The following ADCY2 variants were observed in gnomAD, a reference collection of about 807,000 sequenced individuals.
ADCY2 encodes the protein adenylate cyclase type 2.
In ADCY2, 31 loss-of-function variants were observed where a neutral mutation model predicts 125.2. The ratio of observed to expected loss-of-function variants is 0.25; its 90% CI spans 0.19 to 0.33. The LOEUF (loss-of-function observed/expected upper bound fraction) is 0.33. Among genes scored for constraint, ADCY2 ranks in the 10% least tolerant of loss-of-function variants. The pLI is 1.00. For missense variants in ADCY2, 904 were observed against 1,418.2 expected (o/e 0.64, Z 5.82); for synonymous variants, 512 against 548.4 (o/e 0.93, Z 0.93).
chr5:7,712,800 G>T, intron 10 of ADCY2, 56 bp from the exon 11 acceptor site: 1 of 1,210,598 alleles, frequency 8.3e-7, no homozygotes, highest in African/African-American at 1.5e-5. Context: ...AATTATCATT[G>T]CAACATTCTT....
chr5:7,566,404 G>A (rs1444403090), intron 3 of ADCY2, among the ~76,000 whole-genome samples: 1 of 152,150 alleles, frequency 6.6e-6, no homozygotes, highest in Non-Finnish European at 1.5e-5. Flanking sequence ...GCCAAGGTGG[G>A]AGGATCGCTT....
In ADCY2 at chr5:7,496,511, C is replaced by T. The variant is rs79591868; in HGVS notation, c.409-24227C>T. ...TTGATATATAATAGCTGAATGAATT[C>T]GGCCATGTTATTTAACCTCTCTAAG... is the stretch of plus-strand genomic sequence containing the variant. On this transcript the variant is annotated intron_variant, in intron 2 of 24. Transcript: ENST00000338316. 6.0e-3 allele frequency among the ~76,000 whole-genome samples: 913 copies of T among 152,156 alleles called. 70 individuals carry two copies. In the East Asian group the frequency reaches 0.16, roughly 27 times the overall value.
intron 18 of ADCY2, among the ~76,000 whole-genome samples, chr5:7,778,710 A>G (rs954380097): frequency 6.6e-6 from 1 of 152,150 alleles, no homozygotes; most frequent in African/African-American, 2.4e-5. Context: ...CCCATGTCTC[A>G]TGGAAATCCC....
At chr5:7,774,257 C>CAG (rs1743646000) in intron 18 of ADCY2, among the ~76,000 whole-genome samples, 1 of 152,200 alleles carries the variant, frequency 6.6e-6, no homozygotes, top group African/African-American at 2.4e-5. Context: ...TGAAACTCTA[C>CAG]TAATCTGTAA....
chr5:7,416,265 T>C (rs1251228831), intron 2 of ADCY2, among the ~76,000 whole-genome samples: 1 of 152,196 alleles, frequency 6.6e-6, no homozygotes, highest in Non-Finnish European at 1.5e-5. Flanking sequence ...TGAACTCAAG[T>C]TAGTCTTTAT....
At chr5:7,401,628 A>G (rs942526956) in intron 1 of ADCY2, among the ~76,000 whole-genome samples, 1 of 152,212 alleles carries the variant, frequency 6.6e-6, no homozygotes, top group African/African-American at 2.4e-5. Flanking sequence ...ATTATGCTAA[A>G]TGTCCCCAGT....
chr5:7,642,279 T>C (rs202141951), intron 4 of ADCY2, among the ~76,000 whole-genome samples: 23 of 152,304 alleles, frequency 1.5e-4, no homozygotes, highest in East Asian at 1.4e-3. Flanking sequence ...ATTAGTCATA[T>C]TGAGCATTTT....
At chr5:7,702,535 A>T (rs1394134397) in intron 7 of ADCY2, among the ~76,000 whole-genome samples, 2 of 152,134 alleles carry the variant, frequency 1.3e-5, no homozygotes, top group Admixed American at 6.6e-5. Context: ...AGCTTCATCC[A>T]TGTCCCTACA....
At chr5:7,702,749 G>A (rs1413674010) in intron 7 of ADCY2, among the ~76,000 whole-genome samples, 1 of 152,202 alleles carries the variant, frequency 6.6e-6, no homozygotes, top group Non-Finnish European at 1.5e-5. Context: ...ACCCAGTAAT[G>A]GGATGGCTGG....
chr5:7,490,663 G>GCA (rs921601593), intron 2 of ADCY2, among the ~76,000 whole-genome samples: 13 of 151,510 alleles, frequency 8.6e-5, no homozygotes, highest in African/African-American at 3.2e-4. Context: ...ATGCATGCAT[G>GCA]CACACACACA....
intron 4 of ADCY2, among the ~76,000 whole-genome samples, chr5:7,646,701 C>T (rs994874035): frequency 6.6e-6 from 1 of 152,170 alleles, no homozygotes; most frequent in African/African-American, 2.4e-5. Context: ...TGAAGCACAT[C>T]GTACAGCTCA....
At chr5:7,739,869 A>G (rs1742360684) in intron 14 of ADCY2, among the ~76,000 whole-genome samples, 1 of 152,024 alleles carries the variant, frequency 6.6e-6, no homozygotes, top group Non-Finnish European at 1.5e-5. Flanking sequence ...TGAAACAAAT[A>G]GAAAATTTAA....
intron 15 of ADCY2, among the ~76,000 whole-genome samples, chr5:7,747,658 G>A (rs1042778737): frequency 2.0e-5 from 3 of 152,110 alleles, no homozygotes; most frequent in African/African-American, 4.8e-5. Context: ...TGTCTCCTCT[G>A]TTGGAAATTA....
intron 4 of ADCY2, 53 bp downstream of exon 4, chr5:7,626,369 T>C: frequency 6.3e-7 from 1 of 1,580,644 alleles, no homozygotes; most frequent in South Asian, 1.1e-5. Flanking sequence ...ATTAAAATGA[T>C]GCTGTTACTA....
intron 3 of ADCY2, among the ~76,000 whole-genome samples, chr5:7,526,969 T>A (rs896476781): frequency 1.9e-4 from 29 of 152,136 alleles, no homozygotes; most frequent in Admixed American, 1.9e-3. Context: ...AGTAAATTCA[T>A]GATTAAGTAG....
At chr5:7,516,749 G>T (rs1014249601) in intron 2 of ADCY2, among the ~76,000 whole-genome samples, 9 of 152,192 alleles carry the variant, frequency 5.9e-5, no homozygotes, top group African/African-American at 1.9e-4. Context: ...ACACGAAGGA[G>T]GAAGGGTACA....
intron 3 of ADCY2, among the ~76,000 whole-genome samples, chr5:7,617,622 G>C (rs1179345002): frequency 2.0e-5 from 3 of 152,156 alleles, no homozygotes; most frequent in Admixed American, 2.0e-4. Flanking sequence ...GATGTCACTT[G>C]GTGTTTGGGG....
chr5:7,461,721 A>G (rs755304224), intron 2 of ADCY2, among the ~76,000 whole-genome samples: 3 of 152,248 alleles, frequency 2.0e-5, no homozygotes, highest in East Asian at 1.9e-4. Context: ...ATAGAAATTT[A>G]TTAGATAAAT....
At chr5:7,745,091 A>C (rs1742558203) in intron 15 of ADCY2, among the ~76,000 whole-genome samples, 1 of 152,140 alleles carries the variant, frequency 6.6e-6, no homozygotes, top group Non-Finnish European at 1.5e-5. Context: ...TTTGCTTTTC[A>C]TAAAACACAC....
Sources: allele counts gnomAD v4.1 joint callset (sites outside exome capture counted in the v4.1 genomes callset), GRCh38; gene constraint gnomAD v4.1.1; transcripts MANE v1.5; gene names NCBI Gene and HGNC (gene_info 2026-07-23, HGNC 2026-07-21).